The following ATM variants were observed in gnomAD, a reference collection of about 807,000 sequenced individuals.
ATM encodes the protein serine-protein kinase ATM.
Under a neutral mutation model 387.0 loss-of-function variants are expected in ATM, and 308 were observed. The observed-to-expected ratio is 0.80, with a 90% CI of 0.73 to 0.87. ATM has a LOEUF of 0.87. Among genes scored for constraint, ATM ranks in the 40% least tolerant of loss-of-function variants. The pLI is 0.00. For synonymous variants in ATM, 1,156 were observed against 1,187.3 expected (o/e 0.97, Z 0.54); for missense variants, 3,312 against 3,560.9 (o/e 0.93, Z 1.78).
intron 22 of ATM, among the ~76,000 whole-genome samples, chr11:108,273,546 T>G (rs1023244156): frequency 6.6e-6 from 1 of 152,042 alleles, no homozygotes; most frequent in Non-Finnish European, 1.5e-5. Context: ...TTCACCATGT[T>G]GGCCAGGCTG....
At chr11:108,292,934 TAATG>T in intron 30 of ATM, 141 bp downstream of exon 30, 1 of 1,060,764 alleles carries the variant, frequency 9.4e-7, no homozygotes, top group South Asian at 1.5e-5. Context: ...AAAATATTCT[TAATG>T]AATTAACCTT....
At chr11:108,239,692 T>C (rs1431100961) in intron 5 of ATM, among the ~76,000 whole-genome samples, 1 of 152,200 alleles carries the variant, frequency 6.6e-6, no homozygotes, top group Non-Finnish European at 1.5e-5. Context: ...TAATTCTATA[T>C]TTAATTTTTT....
chr11:108,353,714 G>A, intron 59 of ATM, 52 bp from the exon 60 acceptor site: 2 of 1,417,574 alleles, frequency 1.4e-6, no homozygotes, highest in South Asian at 2.3e-5. Context: ...TAACTGGAAA[G>A]AAAGTAAATT....
At chr11:108,326,362 T>C in intron 47 of ATM, 137 bp downstream of exon 47, 2 of 1,211,640 alleles carry the variant, frequency 1.7e-6, no homozygotes, top group African/African-American at 1.5e-5. Flanking sequence ...GTAAAACTAG[T>C]CTTGAAAATT....
chr11:108,308,595 C>G (rs968962035), intron 38 of ATM: 1 of 191,186 alleles, frequency 5.2e-6, no homozygotes, highest in Non-Finnish European at 1.1e-5. Flanking sequence ...GAGAGTTGAC[C>G]AGAACTCTGA....
intron 59 of ATM, 92 bp downstream of exon 59, chr11:108,347,457 A>G (rs1591275567): frequency 2.7e-6 from 3 of 1,093,708 alleles, no homozygotes; most frequent in East Asian, 2.5e-5. Flanking sequence ...CAAATATAAG[A>G]GACAGATAAA....
intron 40 of ATM, among the ~76,000 whole-genome samples, chr11:108,314,482 T>C (rs2084443599): frequency 6.6e-6 from 1 of 151,882 alleles, no homozygotes; most frequent in African/African-American, 2.4e-5. Context: ...GATATAAGCC[T>C]GGTAGGTCGG....
At chr11:108,244,388 C>T (rs531268083) in intron 6 of ATM, among the ~76,000 whole-genome samples, 1 of 151,934 alleles carries the variant, frequency 6.6e-6, no homozygotes, top group East Asian at 1.9e-4. Context: ...CATTGCATTT[C>T]CCCCATTTTG....
intron 16 of ATM, among the ~76,000 whole-genome samples, chr11:108,265,991 C>G (rs1382690312): frequency 2.0e-5 from 3 of 151,724 alleles, no homozygotes; most frequent in Non-Finnish European, 4.4e-5. Context: ...ACAACAGGTG[C>G]TGGAGAGGAT....
chr11:108,274,675 G>A (rs1454807954), intron 22 of ATM, among the ~76,000 whole-genome samples: 2 of 152,142 alleles, frequency 1.3e-5, no homozygotes, highest in South Asian at 2.1e-4. Flanking sequence ...GTAGTTGTGT[G>A]GTTTTGAGTG....
chr11:108,319,427 G>C (rs1298942822), intron 43 of ATM, among the ~76,000 whole-genome samples: 1 of 152,066 alleles, frequency 6.6e-6, no homozygotes, highest in Non-Finnish European at 1.5e-5. Context: ...TTTTCCCCCA[G>C]TTACCATGCG....
At position 108,345,652 on chromosome 11, in the gene ATM, CT is replaced by C. The variant is rs542119648; in HGVS notation, c.8419-90del. On this transcript the variant is annotated intron_variant, in intron 57 of 62. Transcript: ENST00000675843. Reference sequence around the variant, plus strand: ...TGTATCCTGTTCATCTTTATTGCCCCTATATCTGTCATATTTTTATATAAAA... The same window carrying C: ...TGTATCCTGTTCATCTTTATTGCCCCATATCTGTCATATTTTTATATAAAA... The C allele has an allele frequency of 1.6e-4, 173 of 1,082,316 alleles. 3 individuals are homozygous for C. The South Asian group carries it at 2.0e-3, about 13-fold the overall frequency. 67.0% of individuals were successfully genotyped at this position (1,082,316 alleles called of 1,614,324 possible). A position where few individuals can be genotyped will look rare whatever the true frequency, so the allele number is the denominator to read the frequency against.
At chr11:108,358,638 A>G (rs1476539902) in intron 61 of ATM, among the ~76,000 whole-genome samples, 2 of 143,420 alleles carry the variant, frequency 1.4e-5, no homozygotes, top group African/African-American at 5.2e-5. Flanking sequence ...GGGGGCCAAT[A>G]TTCAACATTC....
intron 16 of ATM, among the ~76,000 whole-genome samples, chr11:108,266,559 A>AC (rs1480489017): frequency 1.3e-5 from 2 of 151,362 alleles, no homozygotes; most frequent in Non-Finnish European, 2.9e-5. Context: ...TGGGTGCAGC[A>AC]CACCAGCATG....
intron 37 of ATM, among the ~76,000 whole-genome samples, chr11:108,306,032 C>T (rs2083673137): frequency 6.6e-6 from 1 of 152,184 alleles, no homozygotes; most frequent in African/African-American, 2.4e-5. Context: ...CCAGTCACTT[C>T]AGCAAAGGTT....
chr11:108,357,631 C>G (rs1010797852), intron 61 of ATM, among the ~76,000 whole-genome samples: 2 of 152,108 alleles, frequency 1.3e-5, no homozygotes, highest in Admixed American at 1.3e-4. Flanking sequence ...AAGTGGGTTC[C>G]TGACCCCTGA....
At chr11:108,354,056 A>T (rs1329608071) in intron 60 of ATM, among the ~76,000 whole-genome samples, 176 bp downstream of exon 60, 1 of 113,904 alleles carries the variant, frequency 8.8e-6, no homozygotes, top group Admixed American at 9.5e-5. Flanking sequence ...TATCTAAAAA[A>T]ATACACACAC....
chr11:108,256,979 C>G lies in ATM; in HGVS notation c.2251-502C>G, dbSNP rs747800400. 5.3e-5 allele frequency among the ~76,000 whole-genome samples: 8 copies of G among 152,100 alleles called. No individual in the cohort carries two copies. The South Asian group carries it at 1.2e-3, about 24-fold the overall frequency. On this transcript the variant is annotated intron_variant, in intron 14 of 62. Coordinates refer to ENST00000675843, the MANE Select transcript of ATM (RefSeq NM_000051.4). ...TGTGAACAGTGCTGCAATAAACATA[C>G]GTGTGCATGTGTCTTTATAGTAAAA...
chr11:108,268,430 G>A lies in ATM; in HGVS notation c.2659G>A (p.Glu887Lys), dbSNP rs2135523307. 1 of 1,613,750 alleles carries A rather than the reference G, an allele frequency of 6.2e-7. No individual in the cohort carries two copies. The highest frequency in any genetic ancestry group is 8.5e-7 in the Non-Finnish European group (1 of 1,179,958). The change falls in exon 18 of 63, where the codon GAA becomes AAA. Residue 887 changes from glutamate (E) to lysine (K), a missense_variant. Glu to Lys is a moderately conservative substitution (Grantham distance 56). Transcript: ENST00000675843. The stretch of plus-strand genomic sequence containing the variant: ...TTTAGGTGCCATTAATCCTTTAGCT[G>A]AAGAATATCTGTCAAAGCAAGATCT... ...STIGAINPLAEEYLSKQDLLF... is the reference protein window; with the variant it reads ...STIGAINPLAKEYLSKQDLLF...
Sources: allele counts gnomAD v4.1 joint callset (sites outside exome capture counted in the v4.1 genomes callset), GRCh38; gene constraint gnomAD v4.1.1; transcripts MANE v1.5; gene names NCBI Gene and HGNC (gene_info 2026-07-23, HGNC 2026-07-21).